AFG3L2: variants seen among roughly 807,000 people sequenced by gnomAD.
The protein encoded by AFG3L2 is mitochondrial inner membrane m-AAA protease component AFG3L2.
A neutral mutation model predicts 94.5 loss-of-function variants in AFG3L2; 54 were observed. The observed-to-expected ratio is 0.57, with a 90% CI of 0.46 to 0.72. The LOEUF (loss-of-function observed/expected upper bound fraction) is 0.72, where lower values mean the gene tolerates loss of function less well. AFG3L2 is among the 30% of genes least tolerant of loss of function. The pLI, the probability that AFG3L2 is intolerant of heterozygous loss-of-function variation, is 0.00. For missense variants in AFG3L2, 754 were observed against 994.9 expected, an observed-to-expected ratio of 0.76 and a Z score of 3.26; for synonymous variants, 377 against 365.5, an observed-to-expected ratio of 1.03 and a Z score of -0.36.
At chr18:12,335,144 C>T (rs1252880279) in intron 16 of AFG3L2, among the ~76,000 whole-genome samples, 1 of 152,092 alleles carries the variant, frequency 6.6e-6, no homozygotes, top group Admixed American at 6.6e-5. Context: ...AAAACCTTTA[C>T]CCTGAAACAA....
At chr18:12,370,991 G>A (rs898625897) in intron 2 of AFG3L2, 65 bp from the exon 3 acceptor site, 11 of 1,083,042 alleles carry the variant, frequency 1.0e-5, no homozygotes, top group Non-Finnish European at 1.3e-5. Flanking sequence ...TGTTCATTTT[G>A]TTTTCAAAGC....
Position 12,359,907 on chromosome 18 carries a change from AATATT to A in AFG3L2, c.752+15_752+19del. On this transcript the variant is annotated intron_variant, in intron 7 of 16. Coordinates refer to ENST00000269143, the MANE Select transcript of AFG3L2 (RefSeq NM_006796.3). Reference sequence around the variant, plus strand: ...AGGCAGCACAGTCAACAGTCTACAAAATATTATATTTGAGATTACCCATCACTTTC... The same window carrying A: ...AGGCAGCACAGTCAACAGTCTACAAAATATTTGAGATTACCCATCACTTTC... 1 of 1,612,340 alleles carries A rather than the reference AATATT, an allele frequency of 6.2e-7. No individual in the cohort carries two copies. The highest frequency in any genetic ancestry group is 8.5e-7 in the Non-Finnish European group (1 of 1,179,862).
intron 13 of AFG3L2, among the ~76,000 whole-genome samples, chr18:12,346,897 C>CCA (rs1908155042): frequency 9.5e-6 from 1 of 105,080 alleles, no homozygotes; most frequent in South Asian, 3.9e-4. Flanking sequence ...GGGCAAGACT[C>CCA]CATCTCAAAA....
intron 12 of AFG3L2, among the ~76,000 whole-genome samples, chr18:12,349,213 G>A (rs573640891): frequency 1.3e-5 from 2 of 152,292 alleles, no homozygotes; most frequent in South Asian, 2.1e-4. Context: ...AAACAACAGT[G>A]AGATGCCAAA....
chr18:12,369,923 C>T (rs1287833050), intron 3 of AFG3L2, among the ~76,000 whole-genome samples: 1 of 151,182 alleles, frequency 6.6e-6, no homozygotes. Context: ...ATTAGCCAGG[C>T]GTGCGCCTTT....
intron 10 of AFG3L2, among the ~76,000 whole-genome samples, chr18:12,351,836 C>T (rs1042325519): frequency 3.9e-5 from 6 of 152,040 alleles, no homozygotes; most frequent in East Asian, 3.9e-4. Flanking sequence ...CGTGAACCAC[C>T]GCCCCTGGCC....
chr18:12,343,308 AACTTT>A (rs1908013832), intron 14 of AFG3L2: 2 of 152,088 alleles, frequency 1.3e-5, no homozygotes, highest in African/African-American at 2.4e-5. Context: ...CAACCTTGCT[AACTTT>A]ACTTATTAGT....
chr18:12,373,626 C>T (rs770613894), intron 1 of AFG3L2, among the ~76,000 whole-genome samples: 7 of 152,246 alleles, frequency 4.6e-5, no homozygotes, highest in Non-Finnish European at 1.0e-4. Flanking sequence ...TTATTTAGCT[C>T]ACAGTTCTGC....
At chr18:12,368,128 T>C (rs955824990) in intron 3 of AFG3L2, among the ~76,000 whole-genome samples, 1 of 151,112 alleles carries the variant, frequency 6.6e-6, no homozygotes, top group Non-Finnish European at 1.5e-5. Flanking sequence ...GATCACGCCA[T>C]TGCACTCCAG....
intron 16 of AFG3L2, among the ~76,000 whole-genome samples, chr18:12,332,801 A>G (rs577133356): frequency 1.4e-5 from 2 of 143,406 alleles, no homozygotes; most frequent in African/African-American, 2.6e-5. Flanking sequence ...TTTAGGATTC[A>G]TTCTTAGGCC....
At chr18:12,333,257 G>A (rs1443296603) in intron 16 of AFG3L2, among the ~76,000 whole-genome samples, 2 of 114,864 alleles carry the variant, frequency 1.7e-5, no homozygotes, top group Non-Finnish European at 1.7e-5. Flanking sequence ...TAAATATATA[G>A]ATTATATATT....
Position 12,356,006 on chromosome 18 carries a change from A to T in AFG3L2, c.1164+688T>A, listed in dbSNP as rs1908482408. 2.0e-5 allele frequency among the ~76,000 whole-genome samples: 3 copies of T among 151,858 alleles called. No individual in the cohort carries two copies. In the South Asian group the frequency reaches 6.2e-4, roughly 32 times the overall value. On this transcript the variant is annotated intron_variant, in intron 9 of 16. Coordinates refer to ENST00000269143, the MANE Select transcript of AFG3L2 (RefSeq NM_006796.3). ...TCTTGATGTAATGGAAATGTTGTAA[A>T]ACTGATTGTGGTGATGGTTGCACAA...
rs1909181208 is a variant in AFG3L2, at chr18:12,376,991, C to T, written c.92G>A (p.Gly31Asp). The change falls in exon 1 of 17, where the codon GGC becomes GAC. Residue 31 changes from glycine to aspartate, a missense_variant. Coordinates refer to ENST00000269143, the MANE Select transcript of AFG3L2 (RefSeq NM_006796.3). ...CACCGTCCGGAGGCAGGGCTGCTCG[C>T]CCGGGCCCACGCCGCCAGGCACGAG... ...QLLVPGGVGP[G>D]EQPCLRTLYR... 2 of 1,461,006 alleles carry T rather than the reference C, an allele frequency of 1.4e-6. No individual in the cohort carries two copies. The highest frequency in any genetic ancestry group is 1.3e-5 in the South Asian group (1 of 76,176). 90.5% of individuals were successfully genotyped at this position (1,461,006 alleles called of 1,614,324 possible).
At chr18:12,351,503 C>A in intron 10 of AFG3L2, 90 bp from the exon 11 acceptor site, 1 of 1,064,372 alleles carries the variant, frequency 9.4e-7, no homozygotes, top group Non-Finnish European at 1.4e-6. Context: ...ACTGCAAATT[C>A]ATAGCTACAG....
At chr18:12,337,617 A>G (rs1004526816) in intron 15 of AFG3L2, 82 bp from the exon 16 acceptor site, 33 of 1,335,964 alleles carry the variant, frequency 2.5e-5, no homozygotes, top group Admixed American at 5.4e-5. Context: ...GGAGCCGGCT[A>G]AAGTGCACAA....
intron 13 of AFG3L2, chr18:12,344,448 T>G: frequency 1.8e-6 from 1 of 549,768 alleles, no homozygotes; most frequent in South Asian, 1.8e-5. Flanking sequence ...GCTGAGGTGG[T>G]CCAATCACTT....
chr18:12,358,539 G>T, intron 8 of AFG3L2, 131 bp downstream of exon 8: 1 of 1,212,674 alleles, frequency 8.2e-7, no homozygotes, highest in Non-Finnish European at 1.2e-6. Flanking sequence ...TTGGGCAGAG[G>T]CTAGCCTAGT....
intron 5 of AFG3L2, among the ~76,000 whole-genome samples, chr18:12,364,317 C>A (rs1017100811): frequency 6.6e-5 from 10 of 152,210 alleles, no homozygotes; most frequent in African/African-American, 2.4e-4. Context: ...TAACAGACAG[C>A]TAGCCTGTTA....
chr18:12,345,514 G>A (rs915460350), intron 13 of AFG3L2, among the ~76,000 whole-genome samples: 2 of 152,220 alleles, frequency 1.3e-5, no homozygotes, highest in African/African-American at 4.8e-5. Context: ...TATGCCACAG[G>A]GCGGGAAGTT....
Sources: gnomAD v4.1 joint callset for allele counts (sites outside exome capture counted in the v4.1 genomes callset) on GRCh38, gnomAD v4.1.1 for gene constraint, MANE v1.5 for transcripts, NCBI Gene and HGNC (gene_info 2026-07-23, HGNC 2026-07-21) for gene names.